The following PIAS4 variants were observed in gnomAD, a reference collection of about 807,000 sequenced individuals.
PIAS4 encodes the protein E3 SUMO-protein ligase PIAS4.
Under a neutral mutation model 58.0 loss-of-function variants are expected in PIAS4, and 7 were observed. The observed-to-expected ratio is 0.12, with a 90% CI of 0.07 to 0.23. The LOEUF (loss-of-function observed/expected upper bound fraction) is 0.23, where lower values mean the gene tolerates loss of function less well. PIAS4 is among the 10% of genes least tolerant of loss of function. PIAS4 has a pLI of 1.00. For synonymous variants in PIAS4, 364 were observed against 312.4 expected (o/e 1.17, Z -1.74); for missense variants, 550 against 709.5 (o/e 0.78, Z 2.55).
intron 3 of PIAS4, 61 bp downstream of exon 3, chr19:4,024,181 T>TCTCCC: frequency 4.8e-6 from 6 of 1,253,094 alleles, no homozygotes; most frequent in East Asian, 2.5e-5. Context: ...TCTCCTGGGC[T>TCTCCC]CACTGGGGAG....
At chr19:4,016,839 G>A (rs111953750) in intron 2 of PIAS4, among the ~76,000 whole-genome samples, 3 of 152,290 alleles carry the variant, frequency 2.0e-5, no homozygotes, top group African/African-American at 4.8e-5. Flanking sequence ...GAGGAGGGAC[G>A]CAGTAGCCTG....
intron 1 of PIAS4, among the ~76,000 whole-genome samples, chr19:4,008,166 G>A (rs1401349915): frequency 2.0e-5 from 3 of 152,162 alleles, no homozygotes; most frequent in African/African-American, 7.2e-5. Flanking sequence ...TTGGTTCCGA[G>A]CCGGGGTCCT....
chr19:4,014,830 A>AG (rs1481202565), intron 2 of PIAS4, among the ~76,000 whole-genome samples: 1 of 152,138 alleles, frequency 6.6e-6, no homozygotes, highest in African/African-American at 2.4e-5. Context: ...GGTAGGGGGA[A>AG]GGGGAACTGG....
At chr19:4,018,442 T>C (rs35747067) in intron 2 of PIAS4, 26,910 of 152,214 alleles carry the variant, frequency 0.18, 2,556 homozygotes, top group Middle Eastern at 0.28. Flanking sequence ...GCCCTTCTTG[T>C]TGGGCTCTCG....
chr19:4,035,086 C>T (rs1042422231), intron 9 of PIAS4, among the ~76,000 whole-genome samples: 5 of 152,112 alleles, frequency 3.3e-5, no homozygotes, highest in African/African-American at 7.2e-5. Flanking sequence ...GGGAAGTGGG[C>T]AGGCAGGGCT....
chr19:4,028,252 C>A (rs1233637065), intron 4 of PIAS4, 65 bp downstream of exon 4: 1 of 1,377,256 alleles, frequency 7.3e-7, no homozygotes, highest in Non-Finnish European at 1.0e-6. Flanking sequence ...CCCCGCCCCC[C>A]AGTCCTGGCC....
At chr19:4,036,041 T>C (rs111219992) in intron 9 of PIAS4, among the ~76,000 whole-genome samples, 11 of 3,536 alleles carry the variant, frequency 3.1e-3, no homozygotes, top group Admixed American at 0.011. Flanking sequence ...CACACCGTCA[T>C]ACACACACAC....
intron 1 of PIAS4, among the ~76,000 whole-genome samples, chr19:4,010,230 G>A (rs921018464): frequency 1.3e-5 from 2 of 152,200 alleles, no homozygotes; most frequent in African/African-American, 2.4e-5. Context: ...AGGCTCCTCC[G>A]AGGTGGCAGC....
chr19:4,036,722 C>A (rs989918182), intron 9 of PIAS4, among the ~76,000 whole-genome samples: 14 of 148,994 alleles, frequency 9.4e-5, no homozygotes, highest in Non-Finnish European at 1.9e-4. Flanking sequence ...ACACACATCT[C>A]TACAGTCCAC....
rs1377711873 is a variant in PIAS4 at position 4,013,452 on chromosome 19, G to A, written c.454+103G>A. 17 of 1,082,674 alleles carry A rather than the reference G, an allele frequency of 1.6e-5. No homozygotes were observed. In the East Asian group the frequency reaches 3.2e-4, roughly 20 times the overall value. 67.1% of individuals were successfully genotyped at this position (1,082,674 alleles called of 1,614,324 possible). ...CCGACTTCGAGTGATGTTCTCTGTG[G>A]CGCAGCCAGGGCGGGGAGCCACAGT... On this transcript the variant is annotated intron_variant, in intron 2 of 10. Coordinates refer to ENST00000262971, the MANE Select transcript of PIAS4 (RefSeq NM_015897.4). The surrounding 1 kb of genome is among the most constrained non-coding windows in gnomAD (Gnocchi z 5.1).
In PIAS4 at chr19:4,007,740, CG is replaced by C; in HGVS notation, c.-16del. On this transcript the variant is annotated 5_prime_UTR_variant, in exon 1 of 11. Transcript: ENST00000262971. ...ACGCGACGGCTGGGGGCTCCCGGCG[CG>C]GGGGACGCTGGTGACCAAGATGGCG... 1 of 1,214,346 alleles carries C rather than the reference CG, an allele frequency of 8.2e-7. No homozygotes were observed. The highest frequency in any genetic ancestry group is 1.0e-6 in the Non-Finnish European group (1 of 970,186). The allele number at this position is 1,214,346 out of a possible 1,614,324, so 75.2% of individuals were successfully genotyped here.
At chr19:4,011,278 C>T (rs954079308) in intron 1 of PIAS4, among the ~76,000 whole-genome samples, 1 of 152,240 alleles carries the variant, frequency 6.6e-6, no homozygotes. Flanking sequence ...CTGTTTCCCA[C>T]CACATCTCAT....
At position 4,037,408 on chromosome 19, in the gene PIAS4, G is replaced by A. The variant is rs768234393; in HGVS notation, c.1177G>A (p.Ala393Thr). The A allele has an allele frequency of 1.7e-5, 28 of 1,610,670 alleles. No individual in the cohort carries two copies. The highest frequency in any genetic ancestry group is 2.0e-5 in the Non-Finnish European group (24 of 1,178,564). ...LSKILSECED[A>T]DEIEYLVDGS... ...GAAGATCCTGAGCGAGTGTGAGGAC[G>A]CCGACGAGATCGAGTACCTGGTGGA... Residue 393 changes from alanine (A) to threonine (T), a missense_variant, in exon 10 of 11, where the codon GCC becomes ACC. By Grantham distance (58) the Ala-to-Thr change is moderately conservative. Transcript: ENST00000262971. The surrounding 1 kb of genome is among the most constrained non-coding windows in gnomAD (Gnocchi z 5.8).
chr19:4,035,757 C>T (rs1023759926), intron 9 of PIAS4, among the ~76,000 whole-genome samples: 77 of 76,034 alleles, frequency 1.0e-3, no homozygotes, highest in African/African-American at 4.5e-3. Context: ...CACCATCACA[C>T]ACACACACCC....
chr19:4,025,338 C>T (rs572968472), intron 3 of PIAS4, among the ~76,000 whole-genome samples: 44 of 152,320 alleles, frequency 2.9e-4, no homozygotes, highest in East Asian at 7.7e-4. Context: ...GGCTGCCCTG[C>T]GCTCTGCTCC....
In PIAS4 at chr19:4,033,095, C is replaced by A; in HGVS notation, c.908-5C>A. On this transcript the variant is annotated splice_region_variant and splice_polypyrimidine_tract_variant and intron_variant, in intron 7 of 10. Coordinates refer to ENST00000262971, the MANE Select transcript of PIAS4 (RefSeq NM_015897.4). ...CTGACGGTGTCTTCCGTTCCCTCCC[C>A]ACAGTCAAGGAGAAGCTGCGCCTTG... The A allele has an allele frequency of 6.2e-7, 1 of 1,611,018 alleles. No homozygotes were observed. The highest frequency in any genetic ancestry group is 8.5e-7 in the Non-Finnish European group (1 of 1,179,100).
chr19:4,014,709 A>G (rs936046606), intron 2 of PIAS4, among the ~76,000 whole-genome samples: 1 of 152,188 alleles, frequency 6.6e-6, no homozygotes, highest in African/African-American at 2.4e-5. Context: ...CTGCTGACCC[A>G]GCAACCTGCC....
intron 7 of PIAS4, among the ~76,000 whole-genome samples, chr19:4,029,300 C>T (rs1433715031): frequency 6.6e-6 from 1 of 152,162 alleles, no homozygotes. Context: ...CTCCAGCCCA[C>T]AGGGGTCTAA....
chr19:4,029,065 G>A (rs764259496), intron 7 of PIAS4, 29 bp downstream of exon 7: 1 of 1,523,386 alleles, frequency 6.6e-7, no homozygotes, highest in Non-Finnish European at 9.0e-7. Flanking sequence ...CTCGGCCGAG[G>A]GGTGCCAAGT....
Sources: allele counts gnomAD v4.1 joint callset (sites outside exome capture counted in the v4.1 genomes callset), GRCh38; gene constraint gnomAD v4.1.1; non-coding constraint Gnocchi (gnomAD v3.1); transcripts MANE v1.5; gene names NCBI Gene and HGNC (gene_info 2026-07-23, HGNC 2026-07-21).